HACD4: variants seen among roughly 807,000 people sequenced by gnomAD.
HACD4 encodes very-long-chain (3R)-3-hydroxyacyl-CoA dehydratase 4.
In HACD4, 35 loss-of-function variants were observed where a neutral mutation model predicts 33.3. The observed-to-expected ratio is 1.05, with a 90% CI of 0.80 to 1.39. The LOEUF is 1.39. HACD4 is among the 40% of genes most tolerant of loss of function. The pLI is 0.00. For synonymous variants in HACD4, 118 were observed against 98.0 expected (o/e 1.20, Z -1.21); for missense variants, 323 against 276.5 (o/e 1.17, Z -1.19).
At position 21,008,030 on chromosome 9, in the gene HACD4, G is replaced by A. The variant is rs752342672; in HGVS notation, c.607C>T (p.Leu203Phe). 5.6e-5 allele frequency: 89 copies of A among 1,599,246 alleles called. No homozygotes were observed. The highest frequency in any genetic ancestry group is 7.0e-5 in the Non-Finnish European group (82 of 1,173,916). ...PYVLKIYLMM[L>F]FIGMYFTYSH... is the part of the protein sequence containing the mutation. ...CAAAAAAGCCACTTACCTATAAAGA[G>A]CATCATGAGATATATTTTCAGCACA... The change falls in exon 6 of 7, where the codon CTC becomes TTC. Residue 203 changes from leucine to phenylalanine, a missense_variant. By Grantham distance (22) the Leu-to-Phe change is conservative. Coordinates refer to ENST00000495827, the MANE Select transcript of HACD4 (RefSeq NM_001010915.5).
At chr9:21,015,859 A>C (rs764212741) in intron 4 of HACD4, 39 bp downstream of exon 4, 5 of 1,344,026 alleles carry the variant, frequency 3.7e-6, no homozygotes, top group Non-Finnish European at 5.3e-6. Flanking sequence ...TGCAGAAAGC[A>C]ATTTAGCCTT....
Position 21,031,571 on chromosome 9 carries a change from G to A in HACD4, c.20C>T (p.Pro7Leu). The A allele has an allele frequency of 2.1e-6, 3 of 1,453,154 alleles. No individual in the cohort carries two copies. The highest frequency in any genetic ancestry group is 2.7e-6 in the Non-Finnish European group (3 of 1,108,924). The allele number at this position is 1,453,154 out of a possible 1,614,324, so 90.0% of individuals were successfully genotyped here. A position where few individuals can be genotyped will look rare whatever the true frequency, so the allele number is the denominator to read the frequency against. Residue 7 changes from proline (P) to leucine (L), a missense_variant, in exon 1 of 7, where the codon CCC becomes CTC. Physicochemically the swap from Pro to Leu is moderately conservative, Grantham distance 98. Coordinates refer to ENST00000495827, the MANE Select transcript of HACD4 (RefSeq NM_001010915.5). MGPLAL[P>L]AWLQPRYRKN... ...GCCCTACCTGGGCTGCAGCCAGGCG[G>A]GCAGCGCCAAGGGCCCCATGGGCCG...
rs1842157278 is a variant in HACD4, at chr9:21,000,858, T to A, written c.*6179A>T. The A allele has an allele frequency of 6.6e-6, 1 of 152,106 alleles. No homozygotes were observed. Among genetic ancestry groups the A allele is most frequent in the African/African-American group, 2.4e-5 (1 of 41,444 alleles). 9.4% of individuals were successfully genotyped at this position (152,106 alleles called of 1,614,324 possible). ...TAAGATTCTTTCTTTGGGGAAATAT[T>A]TTGGACATTGAGATTGTATCTATTT... is the stretch of plus-strand genomic sequence containing the variant. On this transcript the variant is annotated 3_prime_UTR_variant, in exon 7 of 7. Transcript: ENST00000495827.
chr9:21,015,797 T>C (rs1715681696), intron 4 of HACD4, 101 bp downstream of exon 4: 1 of 639,444 alleles, frequency 1.6e-6, no homozygotes, highest in South Asian at 2.0e-5. Context: ...AGGGGTTATG[T>C]TTTCCTCTCT....
chr9:21,029,523 T>C, intron 1 of HACD4, 125 bp from the exon 2 acceptor site: 1 of 543,150 alleles, frequency 1.8e-6, no homozygotes. Flanking sequence ...TATCAGTCTT[T>C]TATCTGGTTA....
At chr9:21,026,976 C>A (rs1463432314) in intron 2 of HACD4, among the ~76,000 whole-genome samples, 1 of 152,186 alleles carries the variant, frequency 6.6e-6, no homozygotes, top group East Asian at 1.9e-4. Context: ...CATGGCCAAA[C>A]ATACACATAG....
chr9:21,029,674 T>C (rs1818157128), intron 1 of HACD4, among the ~76,000 whole-genome samples: 1 of 152,202 alleles, frequency 6.6e-6, no homozygotes, highest in Non-Finnish European at 1.5e-5. Flanking sequence ...GAAAATATCA[T>C]AAGTTGAAAA....
chr9:21,011,561 G>C, intron 5 of HACD4, 28 bp downstream of exon 5: 6 of 1,328,818 alleles, frequency 4.5e-6, no homozygotes, highest in Non-Finnish European at 6.5e-6. Flanking sequence ...TTGTCAGTAA[G>C]CAATACAGCA....
intron 3 of HACD4, among the ~76,000 whole-genome samples, chr9:21,025,221 A>C (rs1184891765): frequency 2.0e-5 from 3 of 152,200 alleles, no homozygotes; most frequent in Non-Finnish European, 2.9e-5. Flanking sequence ...CCTAATGGAT[A>C]CTATTTCCCT....
At chr9:21,009,304 C>G (rs1175970024) in intron 5 of HACD4, among the ~76,000 whole-genome samples, 1 of 152,090 alleles carries the variant, frequency 6.6e-6, no homozygotes, top group African/African-American at 2.4e-5. Flanking sequence ...ATATATATCT[C>G]TAGACTATTT....
chr9:21,021,805 CA>C (rs769461800), intron 3 of HACD4, among the ~76,000 whole-genome samples: 49 of 152,212 alleles, frequency 3.2e-4, no homozygotes, highest in Non-Finnish European at 6.0e-4. Context: ...CCATACTGCC[CA>C]AGGTAATTTA....
At position 21,031,129 on chromosome 9, in the gene HACD4, C is replaced by T. The variant is rs537471686; in HGVS notation, c.38+424G>A. ...AAACATATACACCCCCAGGCCCTACCGCTATATGACTGAATCTGTTCCCCG... is the reference window on the plus strand; with the variant it reads ...AAACATATACACCCCCAGGCCCTACTGCTATATGACTGAATCTGTTCCCCG... On this transcript the variant is annotated intron_variant, in intron 1 of 6. Transcript: ENST00000495827. Among the ~76,000 whole-genome samples, 5 of 152,226 alleles carry T rather than the reference C, an allele frequency of 3.3e-5. No individual in the cohort carries two copies. The South Asian group carries it at 1.0e-3, about 32-fold the overall frequency.
At chr9:21,013,774 C>A (rs553090829) in intron 4 of HACD4, among the ~76,000 whole-genome samples, 14 of 151,996 alleles carry the variant, frequency 9.2e-5, no homozygotes, top group Admixed American at 9.2e-4. Flanking sequence ...GAATTGTATT[C>A]TTGATTTCAT....
chr9:21,020,245 A>T (rs1238164014), intron 3 of HACD4, among the ~76,000 whole-genome samples: 1 of 152,134 alleles, frequency 6.6e-6, no homozygotes, highest in Non-Finnish European at 1.5e-5. Flanking sequence ...CACAGAGGGA[A>T]GGATGTATAA....
chr9:21,031,454 G>C, intron 1 of HACD4, 99 bp downstream of exon 1: 1 of 1,350,906 alleles, frequency 7.4e-7, no homozygotes, highest in Non-Finnish European at 9.4e-7. Context: ...TTGCTGGCGG[G>C]CGGGGGGTGC....
intron 3 of HACD4, among the ~76,000 whole-genome samples, chr9:21,021,888 T>A (rs943240789): frequency 6.6e-6 from 1 of 152,092 alleles, no homozygotes; most frequent in Non-Finnish European, 1.5e-5. Context: ...ACTTTAAAGT[T>A]CATATGGAAC....
intron 4 of HACD4, 108 bp downstream of exon 4, chr9:21,015,790 G>T: frequency 1.7e-6 from 1 of 605,394 alleles, no homozygotes; most frequent in East Asian, 2.8e-5. Flanking sequence ...TTTGAAAAGG[G>T]GTTATGTTTT....
chr9:21,007,941 C>T, intron 6 of HACD4, 80 bp downstream of exon 6: 1 of 1,324,960 alleles, frequency 7.5e-7, no homozygotes, highest in Non-Finnish European at 1.0e-6. Context: ...TGTTTACCAA[C>T]CTGTATATTA....
chr9:21,019,488 G>C (rs558778099), intron 3 of HACD4, among the ~76,000 whole-genome samples: 1 of 151,974 alleles, frequency 6.6e-6, no homozygotes, highest in African/African-American at 2.4e-5. Context: ...ACACATAAAA[G>C]CCCAAATAAA....
Sources: allele counts gnomAD v4.1 joint callset (sites outside exome capture counted in the v4.1 genomes callset), GRCh38; gene constraint gnomAD v4.1.1; transcripts MANE v1.5; gene names NCBI Gene and HGNC (gene_info 2026-07-23, HGNC 2026-07-21).